The following IL7 variants were observed in gnomAD, a reference collection of about 807,000 sequenced individuals.
IL7 encodes interleukin-7.
In IL7, 3 loss-of-function variants were observed where a neutral mutation model predicts 21.6. The observed-to-expected ratio is 0.14, with a 90% confidence interval of 0.06 to 0.36. The LOEUF (loss-of-function observed/expected upper bound fraction) is 0.36. Ranked by LOEUF, IL7 falls within the 10% of genes least tolerant of loss-of-function variation. The pLI is 1.00. For synonymous variants in IL7, 62 were observed against 68.1 expected (o/e 0.91, Z 0.44); for missense variants, 175 against 200.2 (o/e 0.87, Z 0.76).
downstream of IL7, chr8:78,717,474 T>C: frequency 6.3e-7 from 1 of 1,585,548 alleles, no homozygotes; most frequent in Non-Finnish European, 8.5e-7. Flanking sequence ...GAATGTGGCA[T>C]TCGAAGAATG....
intron 2 of IL7, among the ~76,000 whole-genome samples, chr8:78,757,872 T>C (rs1393568320): frequency 6.6e-6 from 1 of 152,098 alleles, no homozygotes; most frequent in African/African-American, 2.4e-5. Context: ...TAGGAGGTAA[T>C]TGACTCATGA....
chr8:78,686,334 G>T, intron 3 of IL7: 1 of 750,072 alleles, frequency 1.3e-6, no homozygotes, highest in Non-Finnish European at 1.8e-6. Flanking sequence ...TTATAAATTT[G>T]AGAAGGATAT....
chr8:78,761,652 CGT>C (rs1384906031), intron 2 of IL7: 4 of 1,611,914 alleles, frequency 2.5e-6, no homozygotes, highest in Non-Finnish European at 3.4e-6. Flanking sequence ...ATGGAAAAGA[CGT>C]GTGAGTCTCT....
chr8:78,800,858 G>A (rs1055717527), intron 1 of IL7, among the ~76,000 whole-genome samples: 1 of 152,098 alleles, frequency 6.6e-6, no homozygotes, highest in African/African-American at 2.4e-5. Context: ...GAGTGAAAGG[G>A]ATACTTTTAC....
At chr8:78,690,357 A>G (rs1428588879) in intron 3 of IL7, among the ~76,000 whole-genome samples, 2 of 152,144 alleles carry the variant, frequency 1.3e-5, no homozygotes, top group Non-Finnish European at 2.9e-5. Context: ...TCAGGAGATA[A>G]AGACCATCCT....
intron 4 of IL7, among the ~76,000 whole-genome samples, chr8:78,684,065 C>G (rs994057551): frequency 7.2e-5 from 11 of 152,230 alleles, no homozygotes; most frequent in Admixed American, 7.2e-4. Context: ...CCAAACTTTC[C>G]CACATTTTTC....
At chr8:78,709,589 G>C (rs1047499679) in intron 3 of IL7, among the ~76,000 whole-genome samples, 1 of 152,002 alleles carries the variant, frequency 6.6e-6, no homozygotes, top group Non-Finnish European at 1.5e-5. Context: ...AAAAGTAGAG[G>C]TATGACACAT....
At chr8:78,761,463 T>C (rs940287736) in intron 2 of IL7, 8 of 1,610,632 alleles carry the variant, frequency 5.0e-6, no homozygotes, top group South Asian at 1.1e-5. Context: ...CAATACTCCA[T>C]ATTTAATCCC....
At chr8:78,767,180 T>A (rs1436848171) in intron 2 of IL7, among the ~76,000 whole-genome samples, 1 of 151,980 alleles carries the variant, frequency 6.6e-6, no homozygotes, top group Admixed American at 6.6e-5. Flanking sequence ...GATATTTTAC[T>A]TTAGGTTTAT....
At chr8:78,783,197 A>G (rs969939040) in intron 2 of IL7, among the ~76,000 whole-genome samples, 16 of 152,154 alleles carry the variant, frequency 1.1e-4, no homozygotes, top group Non-Finnish European at 1.5e-4. Flanking sequence ...CTGAGAGAAT[A>G]TGCACTGCTC....
rs930559198 is a variant in IL7, at chr8:78,692,688, A to G, written n.215-6741T>C. On this transcript the variant is annotated intron_variant and non_coding_transcript_variant, in intron 3 of 4. Transcript: ENST00000523959. Reference sequence around the variant, plus strand: ...AATTGCTGCTACCTGTAGGATGGTTATATAGCCACTTCACCCCTCCAACAT... The same window carrying G: ...AATTGCTGCTACCTGTAGGATGGTTGTATAGCCACTTCACCCCTCCAACAT... Among the ~76,000 whole-genome samples the G allele has an allele frequency of 2.6e-5, 4 of 152,054 alleles. No individual in the cohort carries two copies. The South Asian group carries it at 8.3e-4, about 32-fold the overall frequency.
chr8:78,791,161 T>C (rs1393277337), intron 2 of IL7, among the ~76,000 whole-genome samples: 1 of 152,146 alleles, frequency 6.6e-6, no homozygotes, highest in Non-Finnish European at 1.5e-5. Flanking sequence ...TGTGGCTTTA[T>C]AGGAAAACTA....
intron 3 of IL7, among the ~76,000 whole-genome samples, chr8:78,709,005 A>G (rs1228984875): frequency 1.3e-5 from 2 of 152,216 alleles, no homozygotes; most frequent in African/African-American, 2.4e-5. Context: ...TTTTAGAAAT[A>G]CAGTGAAACA....
intron 3 of IL7, among the ~76,000 whole-genome samples, chr8:78,711,182 G>A (rs1478333598): frequency 1.3e-5 from 2 of 152,106 alleles, no homozygotes; most frequent in African/African-American, 4.8e-5. Flanking sequence ...TTATTCAGTA[G>A]CAAATAAGAT....
chr8:78,764,652 T>A (rs755547020), intron 2 of IL7, among the ~76,000 whole-genome samples: 7 of 151,862 alleles, frequency 4.6e-5, no homozygotes, highest in Non-Finnish European at 8.8e-5. Flanking sequence ...TGAGGAAAAC[T>A]ACAAAACTCT....
At chr8:78,742,188 G>T (rs983188609) in intron 2 of IL7, among the ~76,000 whole-genome samples, 3 of 151,828 alleles carry the variant, frequency 2.0e-5, no homozygotes, top group African/African-American at 7.3e-5. Context: ...GCCGGGTGTG[G>T]TGGCACATGC....
At chr8:78,771,784 C>T (rs1812965128) in intron 2 of IL7, among the ~76,000 whole-genome samples, 2 of 152,058 alleles carry the variant, frequency 1.3e-5, no homozygotes, top group Admixed American at 1.3e-4. Flanking sequence ...AAAACTAATA[C>T]CCTGTGCCAG....
At chr8:78,790,755 A>T (rs1813660795) in intron 2 of IL7, among the ~76,000 whole-genome samples, 1 of 152,064 alleles carries the variant, frequency 6.6e-6, no homozygotes, top group African/African-American at 2.4e-5. Flanking sequence ...TTAACAAAAG[A>T]AGGGTAAAAC....
At chr8:78,682,479 C>T (rs560751234) in intron 4 of IL7, among the ~76,000 whole-genome samples, 1 of 152,120 alleles carries the variant, frequency 6.6e-6, no homozygotes, top group Non-Finnish European at 1.5e-5. Flanking sequence ...AGGGGAACTT[C>T]CCTTTTTAAT....
Sources: gnomAD v4.1 joint callset for allele counts (sites outside exome capture counted in the v4.1 genomes callset) on GRCh38, gnomAD v4.1.1 for gene constraint, MANE v1.5 for transcripts, NCBI Gene and HGNC (gene_info 2026-07-23, HGNC 2026-07-21) for gene names.